ARL5A: variants seen among roughly 807,000 people sequenced by gnomAD.
ARL5A encodes the protein ARF like GTPase 5A.
Under a neutral mutation model 25.9 loss-of-function variants are expected in ARL5A, and 18 were observed. The observed-to-expected ratio is 0.69, with a 90% CI of 0.48 to 1.03. The LOEUF (loss-of-function observed/expected upper bound fraction) is 1.03, where lower values mean the gene tolerates loss of function less well. Among genes scored for constraint, ARL5A ranks in the 50% least tolerant of loss-of-function variants. ARL5A has a pLI of 0.00. For missense variants in ARL5A, 170 were observed against 211.9 expected (o/e 0.80, Z 1.23); for synonymous variants, 61 against 67.5 (o/e 0.90, Z 0.47).
In ARL5A at chr2:151,801,791, T is replaced by C. The variant is rs951293004; in HGVS notation, c.*1485A>G. The C allele has an allele frequency of 1.3e-5, 2 of 152,102 alleles. No individual in the cohort carries two copies. Among genetic ancestry groups the C allele is most frequent in the African/African-American group, 4.8e-5 (2 of 41,440 alleles). The allele number at this position is 152,102 out of a possible 1,614,324, so 9.4% of individuals were successfully genotyped here. ...GCTGATATTGAAGGTAGTTTTTTTT[T>C]CTCAAATATGCTAAAACATGTGAGT... is the stretch of plus-strand genomic sequence containing the variant. On this transcript the variant is annotated 3_prime_UTR_variant, in exon 6 of 6. Transcript: ENST00000295087.
chr2:151,815,767 G>A (rs997501651), intron 1 of ARL5A, among the ~76,000 whole-genome samples: 1 of 152,138 alleles, frequency 6.6e-6, no homozygotes, highest in African/African-American at 2.4e-5. Context: ...TGGCTTCTGT[G>A]GCACCACTTT....
chr2:151,810,436 T>C (rs2099830692), intron 4 of ARL5A: 2 of 289,448 alleles, frequency 6.9e-6, no homozygotes, highest in East Asian at 1.1e-4. Context: ...TTGGCTCTTC[T>C]TGACCCTACT....
At chr2:151,811,445 A>G (rs2099830829) in intron 4 of ARL5A, among the ~76,000 whole-genome samples, 1 of 152,116 alleles carries the variant, frequency 6.6e-6, no homozygotes, top group Non-Finnish European at 1.5e-5. Flanking sequence ...ACTAAATACT[A>G]TATAAACAGT....
chr2:151,824,187 T>C (rs2099832717), intron 1 of ARL5A, among the ~76,000 whole-genome samples: 1 of 152,334 alleles, frequency 6.6e-6, no homozygotes, highest in South Asian at 2.1e-4. Context: ...TTCAATAAAT[T>C]ACACGAGATA....
chr2:151,826,049 G>A (rs965455181), intron 1 of ARL5A, among the ~76,000 whole-genome samples: 1 of 152,128 alleles, frequency 6.6e-6, no homozygotes, highest in Admixed American at 6.5e-5. Flanking sequence ...TTGAACCCAG[G>A]AGGCACAGGT....
At chr2:151,805,805 T>C (rs1362845463) in intron 5 of ARL5A, among the ~76,000 whole-genome samples, 2 of 152,208 alleles carry the variant, frequency 1.3e-5, no homozygotes, top group Non-Finnish European at 2.9e-5. Context: ...ATGTGGTCTA[T>C]CACTGACCAA....
At chr2:151,803,469 G>A (rs2099829689) in intron 5 of ARL5A, 145 bp from the exon 6 acceptor site, 6 of 662,276 alleles carry the variant, frequency 9.1e-6, no homozygotes, top group African/African-American at 1.8e-5. Context: ...TGCTTGGGCT[G>A]CTGCAGTGAA....
At chr2:151,814,788 C>A (rs1310777728) in intron 2 of ARL5A, among the ~76,000 whole-genome samples, 4 of 151,842 alleles carry the variant, frequency 2.6e-5, no homozygotes, top group Non-Finnish European at 2.9e-5. Context: ...GTGACCCAAG[C>A]GGTTTCTCAA....
rs557365983 is a variant in ARL5A, at chr2:151,800,176, T to C, written c.*3100A>G. The C allele has an allele frequency of 2.6e-5, 4 of 152,334 alleles. No homozygotes were observed. The highest frequency in any genetic ancestry group is 1.9e-4 in the East Asian group (1 of 5,186). The allele number at this position is 152,334 out of a possible 1,614,324, so 9.4% of individuals were successfully genotyped here. On this transcript the variant is annotated 3_prime_UTR_variant, in exon 6 of 6. Coordinates refer to ENST00000295087, the MANE Select transcript of ARL5A (RefSeq NM_012097.4). The stretch of plus-strand genomic sequence containing the variant: ...CCAGAGAAAACTAGAAAGTTGTCTA[T>C]AGATTTTCTATTTACACTAATATAA...
At position 151,815,138 on chromosome 2, in the gene ARL5A, C is replaced by A. The variant is rs763087246; in HGVS notation, c.107+1G>T. ...TAATTTTTAAAATAGTTAATACTTA[C>A]AATTGGTAAAGAATGGTAGTTTTCC... is the stretch of plus-strand genomic sequence containing the variant. On this transcript the variant is annotated splice_donor_variant, in intron 2 of 5. Coordinates refer to ENST00000295087, the MANE Select transcript of ARL5A (RefSeq NM_012097.4). LOFTEE classifies it high-confidence loss of function. 1.9e-6 allele frequency: 3 copies of A among 1,599,972 alleles called. No individual in the cohort carries two copies. Among genetic ancestry groups the A allele is most frequent in the Non-Finnish European group, 1.7e-6 (2 of 1,171,690 alleles).
intron 5 of ARL5A, 66 bp downstream of exon 5, chr2:151,806,755 A>T: frequency 6.8e-7 from 1 of 1,477,102 alleles, no homozygotes; most frequent in Non-Finnish European, 9.1e-7. Flanking sequence ...TTAGGAGTTT[A>T]AAGAAGATAT....
intron 1 of ARL5A, among the ~76,000 whole-genome samples, chr2:151,816,953 A>G (rs1277419756): frequency 6.6e-6 from 1 of 152,228 alleles, no homozygotes; most frequent in Non-Finnish European, 1.5e-5. Flanking sequence ...AGGCTAGGCT[A>G]AGCTATGATG....
intron 1 of ARL5A, among the ~76,000 whole-genome samples, chr2:151,819,680 C>T (rs2099831997): frequency 6.6e-6 from 1 of 151,574 alleles, no homozygotes; most frequent in Non-Finnish European, 1.5e-5. Flanking sequence ...GACTTGGTTA[C>T]TATGTCCTAA....
chr2:151,813,602 G>A (rs976982287), intron 3 of ARL5A, among the ~76,000 whole-genome samples: 2 of 152,042 alleles, frequency 1.3e-5, no homozygotes, highest in African/African-American at 4.8e-5. Context: ...TTATTAACTT[G>A]TAATAATGAA....
At chr2:151,804,388 C>T (rs567674655) in intron 5 of ARL5A, among the ~76,000 whole-genome samples, 5 of 152,214 alleles carry the variant, frequency 3.3e-5, no homozygotes, top group African/African-American at 1.2e-4. Flanking sequence ...TAACTATTAT[C>T]TATGACAAGC....
rs969204375 is a variant in ARL5A at position 151,814,096 on chromosome 2, C to A, written c.255+73G>T. 1.4e-5 allele frequency: 19 copies of A among 1,343,942 alleles called. No individual in the cohort carries two copies. In the African/African-American group the frequency reaches 2.5e-4, roughly 18 times the overall value. 83.3% of individuals were successfully genotyped at this position (1,343,942 alleles called of 1,614,324 possible). On this transcript the variant is annotated intron_variant, in intron 3 of 5. Coordinates refer to ENST00000295087, the MANE Select transcript of ARL5A (RefSeq NM_012097.4). ...TACTGTGATATTTCAAAAAGATTAACTATAAGGACTCAAATCTAGATGTTT... is the reference window on the plus strand; with the variant it reads ...TACTGTGATATTTCAAAAAGATTAAATATAAGGACTCAAATCTAGATGTTT...
Position 151,828,013 on chromosome 2 carries a change from C to T in ARL5A, c.46+118G>A, listed in dbSNP as rs1240186057. 1.3e-5 allele frequency: 14 copies of T among 1,105,794 alleles called. No homozygotes were observed. The Admixed American group carries it at 1.9e-4, about 15-fold the overall frequency. 68.5% of individuals were successfully genotyped at this position (1,105,794 alleles called of 1,614,324 possible). ...GCCCGTATCCGCGCAGCCTGCACCC[C>T]GCGCTGAGCTGGCGCCCGACCGAGC... On this transcript the variant is annotated intron_variant, in intron 1 of 5. Transcript: ENST00000295087.
Position 151,814,288 on chromosome 2 carries a change from G to A in ARL5A, c.136C>T (p.Pro46Ser). The A allele has an allele frequency of 6.3e-7, 1 of 1,586,934 alleles. No homozygotes were observed. Among genetic ancestry groups the A allele is most frequent in the African/African-American group, 1.4e-5 (1 of 73,268 alleles). The change falls in exon 3 of 6, where the codon CCT becomes TCT. Residue 46 changes from proline (P) to serine (S), a missense_variant. Coordinates refer to ENST00000295087, the MANE Select transcript of ARL5A (RefSeq NM_012097.4). Reference protein sequence around the residue: ...FSMNEVVHTSPTIGSNVEEIV... With the variant: ...FSMNEVVHTSSTIGSNVEEIV... ...TCTTCTACATTACTTCCTATTGTAG[G>A]AGATGTATGTACAACTTCATTCATA...
intron 1 of ARL5A, 121 bp downstream of exon 1, chr2:151,828,010 C>G (rs1169286516): frequency 9.4e-7 from 1 of 1,066,942 alleles, no homozygotes; most frequent in East Asian, 2.8e-5. Flanking sequence ...GCAGCCTGCA[C>G]CCCGCGCTGA....
Sources: allele counts gnomAD v4.1 joint callset (sites outside exome capture counted in the v4.1 genomes callset), GRCh38; gene constraint gnomAD v4.1.1; transcripts MANE v1.5; gene names NCBI Gene and HGNC (gene_info 2026-07-23, HGNC 2026-07-21).